PLXNA4: variants seen among roughly 807,000 people sequenced by gnomAD.
PLXNA4 encodes the protein plexin A4, also known as plexin-A4.
In PLXNA4, 44 loss-of-function variants were observed where a neutral mutation model predicts 191.8. That is an observed-to-expected ratio of 0.23 (90% CI 0.18 to 0.29). The LOEUF is 0.29. Ranked by LOEUF, PLXNA4 falls within the 10% of genes least tolerant of loss-of-function variation. The pLI is 1.00. For synonymous variants in PLXNA4, 1,082 were observed against 1,009.5 expected (o/e 1.07, Z -1.36); for missense variants, 1,800 against 2,488.8 (o/e 0.72, Z 5.89).
At chr7:132,551,188 C>T (rs1013436720) in intron 1 of PLXNA4, among the ~76,000 whole-genome samples, 1 of 152,186 alleles carries the variant, frequency 6.6e-6, no homozygotes, top group African/African-American at 2.4e-5. Flanking sequence ...TAGGTGCACA[C>T]CCAGGTCCCC....
chr7:132,226,309 CA>C lies in PLXNA4; in HGVS notation c.1883-50del, dbSNP rs752544371. 1.9e-5 allele frequency: 29 copies of C among 1,503,132 alleles called. No individual in the cohort carries two copies. In the East Asian group the frequency reaches 6.6e-4, roughly 34 times the overall value. The allele number at this position is 1,503,132 out of a possible 1,614,324, so 93.1% of individuals were successfully genotyped here. ...GTCAGGGAATGCTGAGGCCCCAAGCCAGGGATTCCCTGACCAGTGACACCTG... is the reference window on the plus strand; with the variant it reads ...GTCAGGGAATGCTGAGGCCCCAAGCCGGGATTCCCTGACCAGTGACACCTG... On this transcript the variant is annotated intron_variant, in intron 7 of 31. Transcript: ENST00000321063.
rs201569436 is a variant in PLXNA4 at position 132,647,700 on chromosome 7, AACAC to A, written c.-203+810_-203+813del. On this transcript the variant is annotated intron_variant, in intron 1 of 4. Coordinates refer to the PLXNA4 transcript ENST00000378539. ...ACATATACTCACATACACACTCACA[AACAC>A]ACACAGTCACAATATACTCACATAC... 9.5e-4 allele frequency among the ~76,000 whole-genome samples: 144 copies of A among 151,580 alleles called. 1 individual carries two copies. Among genetic ancestry groups the A allele is most frequent in the Middle Eastern group, 6.8e-3 (2 of 294 alleles).
intron 26 of PLXNA4, 108 bp from the exon 27 acceptor site, chr7:132,148,107 G>A (rs1053478905): frequency 6.6e-7 from 1 of 1,523,716 alleles, no homozygotes; most frequent in African/African-American, 1.4e-5. Flanking sequence ...GTGCCTTGCT[G>A]GAGAACTAGG....
intron 1 of PLXNA4, among the ~76,000 whole-genome samples, chr7:132,547,510 A>T (rs902670874): frequency 2.6e-5 from 4 of 152,222 alleles, no homozygotes; most frequent in Non-Finnish European, 5.9e-5. Context: ...TCCTGAATGC[A>T]TGCAGGCATG....
At chr7:132,215,753 G>T (rs1363078993) in intron 9 of PLXNA4, among the ~76,000 whole-genome samples, 4 of 152,186 alleles carry the variant, frequency 2.6e-5, no homozygotes, top group Non-Finnish European at 5.9e-5. Flanking sequence ...TGAAGGGGTT[G>T]GGAGAGCTTC....
At chr7:132,514,294 G>A (rs995050044) in intron 1 of PLXNA4, among the ~76,000 whole-genome samples, 13 of 151,842 alleles carry the variant, frequency 8.6e-5, no homozygotes, top group African/African-American at 2.2e-4. Context: ...CTCATGATCC[G>A]CCCGCCTCGG....
At position 132,214,200 on chromosome 7, in the gene PLXNA4, G is replaced by C. The variant is rs569851709; in HGVS notation, c.2098-3057C>G. ...GGACTCGGAGCTGTGAAACCCTCCG[G>C]AGCTGGGCTGGAACCCTGCCTGGGG... On this transcript the variant is annotated intron_variant, in intron 9 of 31. Coordinates refer to ENST00000321063, the MANE Select transcript of PLXNA4 (RefSeq NM_020911.2). Among the ~76,000 whole-genome samples, 6 of 152,254 alleles carry C rather than the reference G, an allele frequency of 3.9e-5. No homozygotes were observed. The South Asian group carries it at 1.2e-3, about 32-fold the overall frequency.
intron 3 of PLXNA4, among the ~76,000 whole-genome samples, chr7:132,415,077 A>T (rs765957907): frequency 2.6e-5 from 4 of 152,130 alleles, no homozygotes; most frequent in Non-Finnish European, 2.9e-5. Context: ...TTCACACCCT[A>T]ATCTTGGCCA....
chr7:132,498,517 C>A (rs1798120302), intron 2 of PLXNA4, among the ~76,000 whole-genome samples: 1 of 152,132 alleles, frequency 6.6e-6, no homozygotes, highest in Admixed American at 6.6e-5. Context: ...GAAAGTCCTG[C>A]CCCCATGATT....
chr7:132,536,692 G>T (rs1799849147), intron 1 of PLXNA4, among the ~76,000 whole-genome samples: 1 of 152,184 alleles, frequency 6.6e-6, no homozygotes, highest in Admixed American at 6.5e-5. Flanking sequence ...AGGCTGGTAG[G>T]CTGTAATCCT....
chr7:132,636,794 C>T (rs949710570), intron 2 of PLXNA4, among the ~76,000 whole-genome samples: 2 of 152,182 alleles, frequency 1.3e-5, no homozygotes, highest in African/African-American at 4.8e-5. Flanking sequence ...TCCTGAAATG[C>T]TACTGGCCTC....
Position 132,508,606 on chromosome 7 carries a change from G to A in PLXNA4, c.88C>T (p.Pro30Ser). Residue 30 changes from proline (P) to serine (S), a missense_variant, in exon 2 of 32, where the codon CCA becomes TCA. Around this residue, in one of 6 missense-constraint regions of PLXNA4, gnomAD observed 1,397 missense variants for 1,880.4 expected, o/e 0.74. Coordinates refer to ENST00000321063, the MANE Select transcript of PLXNA4 (RefSeq NM_020911.2). The surrounding 1 kb of genome is among the most constrained non-coding windows in gnomAD (Gnocchi z 4.4). ...MGSSTLLTRQPAPLSQKQRSF... is the reference protein window; with the variant it reads ...MGSSTLLTRQSAPLSQKQRSF... ...CGCTGCTTCTGGGACAGCGGGGCTG[G>A]CTGCCGGGTGAGCAAAGTGGAGGAG... The A allele has an allele frequency of 1.9e-6, 3 of 1,612,574 alleles. No individual in the cohort carries two copies. The highest frequency in any genetic ancestry group is 2.5e-6 in the Non-Finnish European group (3 of 1,179,138).
chr7:132,564,629 C>A (rs1396405795), intron 1 of PLXNA4, among the ~76,000 whole-genome samples: 1 of 152,216 alleles, frequency 6.6e-6, no homozygotes, highest in African/African-American at 2.4e-5. Context: ...TCACATAGTG[C>A]CTAGCACACA....
At chr7:132,471,228 C>G (rs1360950845) in intron 3 of PLXNA4, among the ~76,000 whole-genome samples, 1 of 152,128 alleles carries the variant, frequency 6.6e-6, no homozygotes, top group Non-Finnish European at 1.5e-5. Flanking sequence ...GAGGCGTGCC[C>G]AGAGCCAAGC....
At chr7:132,592,178 G>C (rs1458488852) in intron 2 of PLXNA4, among the ~76,000 whole-genome samples, 1 of 152,126 alleles carries the variant, frequency 6.6e-6, no homozygotes, top group East Asian at 1.9e-4. Context: ...CATTAGCATG[G>C]ACAAATGAGA....
chr7:132,219,543 G>A (rs1798075597), intron 9 of PLXNA4, among the ~76,000 whole-genome samples: 1 of 152,212 alleles, frequency 6.6e-6, no homozygotes, highest in African/African-American at 2.4e-5. Context: ...AGAATGAAGA[G>A]TTAAATCATA....
intron 2 of PLXNA4, among the ~76,000 whole-genome samples, chr7:132,597,962 C>A (rs534628588): frequency 6.6e-6 from 1 of 151,916 alleles, no homozygotes; most frequent in African/African-American, 2.4e-5. Flanking sequence ...TTGATAGGCA[C>A]CCAGATTGCA....
At chr7:132,612,491 A>G in intron 2 of PLXNA4, among the ~76,000 whole-genome samples, 1 of 151,906 alleles carries the variant, frequency 6.6e-6, no homozygotes, top group Non-Finnish European at 1.5e-5. Flanking sequence ...TGAAACCTCC[A>G]TCTCTACTGA....
chr7:132,355,626 G>GA (rs1356083422), intron 3 of PLXNA4, among the ~76,000 whole-genome samples: 4 of 152,136 alleles, frequency 2.6e-5, no homozygotes, highest in Non-Finnish European at 5.9e-5. Context: ...ACAAATAGGA[G>GA]AAAATCCCTT....
Sources: allele counts gnomAD v4.1 joint callset (sites outside exome capture counted in the v4.1 genomes callset), GRCh38; gene constraint gnomAD v4.1.1; regional missense constraint gnomAD v4.1.1; non-coding constraint Gnocchi (gnomAD v3.1); transcripts MANE v1.5; gene names NCBI Gene and HGNC (gene_info 2026-07-23, HGNC 2026-07-21).